AKAP6: variants seen among roughly 807,000 people sequenced by gnomAD.
AKAP6 encodes the protein A-kinase anchoring protein 6.
A neutral mutation model predicts 188.5 loss-of-function variants in AKAP6; 58 were observed. The observed-to-expected ratio is 0.31, with a 90% confidence interval of 0.25 to 0.38. The LOEUF is 0.38. Among genes scored for constraint, AKAP6 ranks in the 10% least tolerant of loss-of-function variants. AKAP6 has a pLI of 1.00. For missense variants in AKAP6, 2,710 were observed against 2,740.0 expected (o/e 0.99, Z 0.24); for synonymous variants, 989 against 998.6 (o/e 0.99, Z 0.18).
chr14:32,718,157 C>T, intron 9 of AKAP6: 2 of 351,642 alleles, frequency 5.7e-6, no homozygotes, highest in Non-Finnish European at 8.0e-6. Flanking sequence ...TACAATCTTA[C>T]TGACCTTGGG....
At position 32,546,470 on chromosome 14, in the gene AKAP6, G is replaced by T. The variant is rs915697862; in HGVS notation, c.1817G>T (p.Gly606Val). Residue 606 changes from glycine to valine, a missense_variant, in exon 4 of 14, where the codon GGT (glycine) becomes GTT (valine). Gly to Val is a moderately radical substitution (Grantham distance 109). This residue lies in a region of AKAP6 where 2,473 missense variants were observed against 2,426.1 expected (regional missense o/e 1.02). Coordinates refer to ENST00000280979, the MANE Select transcript of AKAP6 (RefSeq NM_004274.5). The stretch of plus-strand genomic sequence containing the variant: ...CTTTCAAAACACAAAAGCAAAAAAG[G>T]TCAAGCCTCCTCTCCAAGTCACGTC... ...PLLSKHKSKK[G>V]QASSPSHVTR... 3.1e-5 allele frequency: 50 copies of T among 1,614,036 alleles called. No homozygotes were observed. The highest frequency in any genetic ancestry group is 4.2e-5 in the Non-Finnish European group (49 of 1,180,038).
intron 4 of AKAP6, among the ~76,000 whole-genome samples, chr14:32,551,446 C>T (rs1394293926): frequency 1.3e-5 from 2 of 151,502 alleles, no homozygotes; most frequent in Non-Finnish European, 2.9e-5. Flanking sequence ...ATGGTGTGCA[C>T]CTGTAATCCC....
At chr14:32,686,964 C>G (rs143685567) in intron 8 of AKAP6, among the ~76,000 whole-genome samples, 1 of 152,220 alleles carries the variant, frequency 6.6e-6, no homozygotes, top group East Asian at 1.9e-4. Context: ...TAGTTCATCC[C>G]TCATCACGCA....
chr14:32,345,215 C>T (rs935784918), intron 1 of AKAP6, among the ~76,000 whole-genome samples: 2 of 152,162 alleles, frequency 1.3e-5, no homozygotes, highest in Non-Finnish European at 2.9e-5. Flanking sequence ...ATTTACTTCT[C>T]TAATACCGAT....
intron 2 of AKAP6, among the ~76,000 whole-genome samples, chr14:32,508,374 T>C (rs1168096734): frequency 6.6e-6 from 1 of 152,164 alleles, no homozygotes; most frequent in Non-Finnish European, 1.5e-5. Flanking sequence ...GAAATAGAAA[T>C]CAAAAGGAGA....
At chr14:32,504,528 C>A (rs1489096399) in intron 2 of AKAP6, among the ~76,000 whole-genome samples, 1 of 152,218 alleles carries the variant, frequency 6.6e-6, no homozygotes, top group African/African-American at 2.4e-5. Flanking sequence ...AATCTCCCCA[C>A]CTCGGCCTCC....
At chr14:32,385,405 CTTT>C (rs35404788) in intron 1 of AKAP6, among the ~76,000 whole-genome samples, 1 of 144,574 alleles carries the variant, frequency 6.9e-6, no homozygotes. Flanking sequence ...ATTTTTATTT[CTTT>C]TTTTTTTTTT....
intron 1 of AKAP6, among the ~76,000 whole-genome samples, chr14:32,394,031 A>G (rs1223877155): frequency 6.6e-6 from 1 of 152,184 alleles, no homozygotes; most frequent in Non-Finnish European, 1.5e-5. Flanking sequence ...TAATCATCAA[A>G]TGCTCTCACC....
chr14:32,542,514 G>T (rs1883004203), intron 3 of AKAP6, among the ~76,000 whole-genome samples: 1 of 152,060 alleles, frequency 6.6e-6, no homozygotes. Context: ...GAGAAAGCAG[G>T]GCTTACAATA....
At chr14:32,569,403 A>G (rs889462168) in intron 4 of AKAP6, among the ~76,000 whole-genome samples, 5 of 152,186 alleles carry the variant, frequency 3.3e-5, no homozygotes, top group Non-Finnish European at 4.4e-5. Context: ...AGCATACACG[A>G]TCTTTCCTCT....
chr14:32,800,155 T>C (rs28748122), intron 12 of AKAP6, among the ~76,000 whole-genome samples: 164 of 53,324 alleles, frequency 3.1e-3, no homozygotes, highest in African/African-American at 8.7e-3. Context: ...CATATATACA[T>C]ATATATACAC....
At chr14:32,381,974 C>A (rs969331918) in intron 1 of AKAP6, among the ~76,000 whole-genome samples, 9 of 152,096 alleles carry the variant, frequency 5.9e-5, no homozygotes, top group Admixed American at 3.9e-4. Context: ...AAAATTTCGG[C>A]CTGTTCATTT....
chr14:32,770,856 C>T (rs906351905), intron 11 of AKAP6, among the ~76,000 whole-genome samples: 21 of 152,270 alleles, frequency 1.4e-4, no homozygotes, highest in South Asian at 4.1e-4. Flanking sequence ...ATTCCTGAAA[C>T]GGTGCCTAGC....
intron 1 of AKAP6, among the ~76,000 whole-genome samples, chr14:32,429,576 A>G (rs1248673854): frequency 6.6e-6 from 1 of 152,242 alleles, no homozygotes; most frequent in Non-Finnish European, 1.5e-5. Flanking sequence ...TTTTCATGAA[A>G]ATGGGCAATT....
At chr14:32,756,264 G>A (rs1270797646) in intron 11 of AKAP6, among the ~76,000 whole-genome samples, 1 of 152,118 alleles carries the variant, frequency 6.6e-6, no homozygotes, top group Non-Finnish European at 1.5e-5. Flanking sequence ...GTACTCTGTG[G>A]GCCTTGAGCC....
rs1307858518 is a variant in AKAP6, at chr14:32,836,257, G to T, written c.*6452G>T. ...TGGAGACTGGGAAGTTCAAGATCAA[G>T]ATGCTAGCAGATTCAGTGTCTGAGG... On this transcript the variant is annotated 3_prime_UTR_variant, in exon 14 of 14. Coordinates refer to ENST00000280979, the MANE Select transcript of AKAP6 (RefSeq NM_004274.5). The T allele has an allele frequency of 6.6e-6, 1 of 152,208 alleles. No individual in the cohort carries two copies. The highest frequency in any genetic ancestry group is 1.5e-5 in the Non-Finnish European group (1 of 68,172). 9.4% of individuals were successfully genotyped at this position (152,208 alleles called of 1,614,324 possible).
chr14:32,683,123 G>T (rs67218548), intron 8 of AKAP6, among the ~76,000 whole-genome samples: 1 of 151,566 alleles, frequency 6.6e-6, no homozygotes, highest in Non-Finnish European at 1.5e-5. Flanking sequence ...TCTCTCAAGT[G>T]TCTGGGATTA....
intron 1 of AKAP6, among the ~76,000 whole-genome samples, chr14:32,396,107 A>G (rs1888870184): frequency 6.6e-6 from 1 of 152,218 alleles, no homozygotes; most frequent in Admixed American, 6.5e-5. Context: ...TTAAAATTAA[A>G]TTGTTTCAGG....
chr14:32,796,832 G>A (rs1013408679), intron 12 of AKAP6, among the ~76,000 whole-genome samples: 33 of 152,166 alleles, frequency 2.2e-4, no homozygotes, highest in African/African-American at 7.5e-4. Context: ...CTTCTGCATA[G>A]CACAAGAAAC....
Sources: allele counts gnomAD v4.1 joint callset (sites outside exome capture counted in the v4.1 genomes callset), GRCh38; gene constraint gnomAD v4.1.1; regional missense constraint gnomAD v4.1.1; transcripts MANE v1.5; gene names NCBI Gene and HGNC (gene_info 2026-07-23, HGNC 2026-07-21).